BMPR1A: variants seen among roughly 807,000 people sequenced by gnomAD.
BMPR1A encodes the protein bone morphogenetic protein receptor type-1A.
In BMPR1A, 7 loss-of-function variants were observed where a neutral mutation model predicts 66.0. That is an observed-to-expected ratio of 0.11 (90% CI 0.06 to 0.20). The LOEUF (loss-of-function observed/expected upper bound fraction) is 0.20. Among genes scored for constraint, BMPR1A ranks in the 10% least tolerant of loss-of-function variants. The probability of loss-of-function intolerance (pLI) is 1.00; values close to 1 mark genes in which losing one functional copy is unlikely to be tolerated. For synonymous variants in BMPR1A, 200 were observed against 229.7 expected (o/e 0.87, Z 1.17); for missense variants, 408 against 669.1 (o/e 0.61, Z 4.31).
chr10:86,905,033 T>A (rs780912388), intron 7 of BMPR1A, among the ~76,000 whole-genome samples: 34 of 152,196 alleles, frequency 2.2e-4, no homozygotes, highest in Non-Finnish European at 4.4e-4. Flanking sequence ...AGAATAAAAT[T>A]AAAGTTAAAG....
chr10:86,807,252 C>T (rs187124868), intron 1 of BMPR1A, among the ~76,000 whole-genome samples: 11 of 152,174 alleles, frequency 7.2e-5, no homozygotes, highest in African/African-American at 2.7e-4. Flanking sequence ...CTAAACCAAC[C>T]CCTCAGGATT....
intron 2 of BMPR1A, among the ~76,000 whole-genome samples, chr10:86,860,546 G>C (rs1444707936): frequency 6.6e-6 from 1 of 152,010 alleles, no homozygotes; most frequent in Admixed American, 6.6e-5. Context: ...GAAGCTGGTG[G>C]ATCACCCGAG....
intron 1 of BMPR1A, among the ~76,000 whole-genome samples, chr10:86,758,317 A>G (rs986910450): frequency 6.6e-6 from 1 of 151,758 alleles, no homozygotes; most frequent in Non-Finnish European, 1.5e-5. Flanking sequence ...GAGCTCCTTC[A>G]TTAAATTCCT....
At chr10:86,807,307 G>GT in intron 1 of BMPR1A, among the ~76,000 whole-genome samples, 1 of 151,842 alleles carries the variant, frequency 6.6e-6, no homozygotes, top group Non-Finnish European at 1.5e-5. Context: ...TTCATTTCCA[G>GT]TTTATTTTTA....
intron 1 of BMPR1A, among the ~76,000 whole-genome samples, chr10:86,791,463 C>T (rs1042059368): frequency 3.3e-5 from 5 of 152,094 alleles, no homozygotes; most frequent in Non-Finnish European, 5.9e-5. Flanking sequence ...GTCCCCGCCT[C>T]GGCCTCCCAA....
intron 2 of BMPR1A, among the ~76,000 whole-genome samples, chr10:86,847,585 C>G (rs1457592504): frequency 6.6e-6 from 1 of 151,788 alleles, no homozygotes; most frequent in Non-Finnish European, 1.5e-5. Flanking sequence ...CACGGTGGCT[C>G]ATGCCTGTAA....
intron 2 of BMPR1A, among the ~76,000 whole-genome samples, chr10:86,848,109 T>C (rs1430414013): frequency 6.6e-6 from 1 of 151,966 alleles, no homozygotes; most frequent in Non-Finnish European, 1.5e-5. Flanking sequence ...AGTTTTGTAG[T>C]TTTAGTAGAG....
At chr10:86,894,735 A>T (rs1843201194) in intron 5 of BMPR1A, among the ~76,000 whole-genome samples, 1 of 152,240 alleles carries the variant, frequency 6.6e-6, no homozygotes, top group Admixed American at 6.5e-5. Flanking sequence ...AGATACATGT[A>T]AATAGTTTAG....
Position 86,805,461 on chromosome 10 carries a change from C to CTTT in BMPR1A, c.-267-33388_-267-33386dup, listed in dbSNP as rs1332479141. Reference sequence around the variant, plus strand: ...CCTTTACCCTTACTATTTCAGTTTCCTTTTTTTTTTTTTTTTTTGAGACGG... The same window carrying CTTT: ...CCTTTACCCTTACTATTTCAGTTTCCTTTTTTTTTTTTTTTTTTTTTGAGACGG... On this transcript the variant is annotated intron_variant, in intron 1 of 12. Coordinates refer to ENST00000372037, the MANE Select transcript of BMPR1A (RefSeq NM_004329.3). Among the ~76,000 whole-genome samples the CTTT allele has an allele frequency of 2.3e-3, 255 of 109,040 alleles. 17 individuals carry two copies. In the East Asian group the frequency reaches 0.025, roughly 11 times the overall value. 71.5% of individuals were successfully genotyped at this position (109,040 alleles called of 152,430 possible).
intron 1 of BMPR1A, among the ~76,000 whole-genome samples, chr10:86,781,129 C>T (rs1026309258): frequency 1.3e-5 from 2 of 152,232 alleles, no homozygotes; most frequent in Non-Finnish European, 2.9e-5. Context: ...ACTGGGATTA[C>T]AGGCGTGAGA....
At chr10:86,827,166 C>T (rs984988854) in intron 1 of BMPR1A, among the ~76,000 whole-genome samples, 1 of 152,104 alleles carries the variant, frequency 6.6e-6, no homozygotes, top group Non-Finnish European at 1.5e-5. Context: ...AATTTGATGT[C>T]ATTCCCTTAG....
At chr10:86,782,011 CATG>C (rs1243951326) in intron 1 of BMPR1A, among the ~76,000 whole-genome samples, 7 of 149,920 alleles carry the variant, frequency 4.7e-5, no homozygotes, top group Non-Finnish European at 1.0e-4. Flanking sequence ...GGATTACAGG[CATG>C]AGCCACCACG....
At chr10:86,932,758 AAGG>A (rs1198865079), downstream of BMPR1A, 2 of 151,426 alleles carry the variant, frequency 1.3e-5, no homozygotes, top group Admixed American at 1.3e-4. Context: ...AGGCTGAGAA[AAGG>A]AGAGTTCTAA....
At chr10:86,831,755 C>T (rs1029105759) in intron 1 of BMPR1A, among the ~76,000 whole-genome samples, 10 of 152,154 alleles carry the variant, frequency 6.6e-5, no homozygotes, top group Non-Finnish European at 1.3e-4. Flanking sequence ...CAGAGCAAGA[C>T]CCTGTCTCAA....
chr10:86,891,973 C>T (rs533037068), intron 4 of BMPR1A, among the ~76,000 whole-genome samples, 154 bp from the exon 5 acceptor site: 1 of 152,246 alleles, frequency 6.6e-6, no homozygotes, highest in Non-Finnish European at 1.5e-5. Flanking sequence ...CTTAAAACCT[C>T]TGGCGTTGCC....
intron 2 of BMPR1A, among the ~76,000 whole-genome samples, chr10:86,854,226 C>T (rs568613207): frequency 6.6e-6 from 1 of 152,324 alleles, no homozygotes; most frequent in African/African-American, 2.4e-5. Flanking sequence ...AAGGTTCTCT[C>T]TCTTATTCCC....
rs147373087 is a variant in BMPR1A at position 86,786,312 on chromosome 10, C to T, written c.-268+29393C>T. Reference sequence around the variant, plus strand: ...TCTAACCGTTGTTCATTTCCCACCCCGACCCCTTTTTTCCCTAAAAGAAGT... The same window carrying T: ...TCTAACCGTTGTTCATTTCCCACCCTGACCCCTTTTTTCCCTAAAAGAAGT... On this transcript the variant is annotated intron_variant, in intron 1 of 12. Transcript: ENST00000372037. 1.6e-4 allele frequency among the ~76,000 whole-genome samples: 24 copies of T among 152,218 alleles called. No individual in the cohort carries two copies. The East Asian group carries it at 4.6e-3, about 29-fold the overall frequency.
chr10:86,760,188 GTTTTT>G (rs58326501), intron 1 of BMPR1A, among the ~76,000 whole-genome samples: 1 of 53,376 alleles, frequency 1.9e-5, no homozygotes, highest in East Asian at 4.8e-4. Flanking sequence ...AGATTTACCT[GTTTTT>G]TTTTTTTTTT....
chr10:86,761,745 A>G (rs1305355055), intron 1 of BMPR1A, among the ~76,000 whole-genome samples: 1 of 152,216 alleles, frequency 6.6e-6, no homozygotes, highest in African/African-American at 2.4e-5. Context: ...AGGAGGCGAT[A>G]ACTAGCGTGG....
Sources: gnomAD v4.1 joint callset for allele counts (sites outside exome capture counted in the v4.1 genomes callset) on GRCh38, gnomAD v4.1.1 for gene constraint, MANE v1.5 for transcripts, NCBI Gene and HGNC (gene_info 2026-07-23, HGNC 2026-07-21) for gene names.